PCGF6: variants seen among roughly 807,000 people sequenced by gnomAD.
PCGF6 encodes the protein polycomb group RING finger protein 6.
A neutral mutation model predicts 45.5 loss-of-function variants in PCGF6; 24 were observed. The ratio of observed to expected loss-of-function variants is 0.53; its 90% CI spans 0.38 to 0.74. The LOEUF is 0.74. Among genes scored for constraint, PCGF6 ranks in the 30% least tolerant of loss-of-function variants. The pLI is 0.00. For synonymous variants in PCGF6, 152 were observed against 162.1 expected (o/e 0.94, Z 0.47); for missense variants, 356 against 443.2 (o/e 0.80, Z 1.77).
At chr10:103,343,379 G>A (rs907793137) in intron 6 of PCGF6, among the ~76,000 whole-genome samples, 1 of 151,862 alleles carries the variant, frequency 6.6e-6, no homozygotes, top group African/African-American at 2.4e-5. Context: ...TACAACATGA[G>A]AAATCTAGAT....
At chr10:103,326,956 T>TG (rs2093221122) in intron 7 of PCGF6, among the ~76,000 whole-genome samples, 1 of 152,158 alleles carries the variant, frequency 6.6e-6, no homozygotes, top group African/African-American at 2.4e-5. Context: ...ACTTACACTT[T>TG]AAAGACACAG....
At chr10:103,309,331 CATGA>C (rs1425154539) in intron 9 of PCGF6, among the ~76,000 whole-genome samples, 23 of 152,134 alleles carry the variant, frequency 1.5e-4, no homozygotes, top group Admixed American at 1.5e-3. Flanking sequence ...TTGGATTTCT[CATGA>C]ATGGTTTAGC....
At chr10:103,320,327 A>G (rs1313809988) in intron 8 of PCGF6, among the ~76,000 whole-genome samples, 9 of 152,188 alleles carry the variant, frequency 5.9e-5, no homozygotes, top group Non-Finnish European at 5.9e-5. Flanking sequence ...TGGAGTCTCT[A>G]TGAGAAAGAA....
intron 1 of PCGF6, among the ~76,000 whole-genome samples, chr10:103,350,049 C>T (rs76197128): frequency 6.6e-6 from 1 of 151,750 alleles, no homozygotes; most frequent in African/African-American, 2.4e-5. Context: ...CGCCACTGCA[C>T]TCCAGCCTGG....
At chr10:103,305,459 C>T (rs529965357) in intron 9 of PCGF6, among the ~76,000 whole-genome samples, 8 of 152,050 alleles carry the variant, frequency 5.3e-5, no homozygotes, top group African/African-American at 1.7e-4. Context: ...TTAGTAGAGA[C>T]GGGGTTTCAC....
intron 6 of PCGF6, among the ~76,000 whole-genome samples, chr10:103,334,776 A>G (rs920700296): frequency 2.6e-4 from 39 of 152,310 alleles, no homozygotes; most frequent in African/African-American, 9.1e-4. Flanking sequence ...AGAAAGTACT[A>G]TGTGCCAGGC....
intron 5 of PCGF6, 96 bp downstream of exon 5, chr10:103,347,142 T>C: frequency 1.1e-6 from 1 of 927,838 alleles, no homozygotes; most frequent in Non-Finnish European, 1.7e-6. Context: ...TCTGATCATA[T>C]AATAAGCTAC....
intron 6 of PCGF6, 145 bp downstream of exon 6, chr10:103,344,878 CT>C: frequency 1.7e-6 from 1 of 599,136 alleles, no homozygotes; most frequent in Non-Finnish European, 2.8e-6. Flanking sequence ...CCCTTTATAC[CT>C]TTTTCTAATT....
intron 8 of PCGF6, among the ~76,000 whole-genome samples, chr10:103,324,328 G>GAAA (rs35051041): frequency 7.6e-6 from 1 of 131,662 alleles, no homozygotes; most frequent in Non-Finnish European, 1.5e-5. Context: ...TTTGACTAAT[G>GAAA]AAAAAAAAAA....
intron 8 of PCGF6, among the ~76,000 whole-genome samples, chr10:103,314,954 TAAAAAAAAAAAAA>T (rs60182387): frequency 3.5e-5 from 2 of 57,180 alleles, no homozygotes; most frequent in African/African-American, 8.1e-5. Flanking sequence ...GACTCTGTCA[TAAAAAAAAAAAAA>T]AAAAAAAAAA....
At chr10:103,314,925 A>C (rs2093169133) in intron 8 of PCGF6, among the ~76,000 whole-genome samples, 1 of 134,606 alleles carries the variant, frequency 7.4e-6, no homozygotes, top group African/African-American at 2.8e-5. Flanking sequence ...ATTGCATTCC[A>C]GCCTGGGCCA....
chr10:103,307,384 C>A (rs2093141513), intron 9 of PCGF6, among the ~76,000 whole-genome samples: 1 of 152,078 alleles, frequency 6.6e-6, no homozygotes, highest in Non-Finnish European at 1.5e-5. Flanking sequence ...CTACAGTGAA[C>A]CATATTCATG....
At chr10:103,350,680 G>A (rs768421648) in intron 1 of PCGF6, 27 bp downstream of exon 1, 1 of 1,451,964 alleles carries the variant, frequency 6.9e-7, no homozygotes. Flanking sequence ...CTTGGGCCCA[G>A]CGGGGTCGCG....
At chr10:103,335,468 T>C (rs1391405911) in intron 6 of PCGF6, among the ~76,000 whole-genome samples, 4 of 151,874 alleles carry the variant, frequency 2.6e-5, no homozygotes, top group African/African-American at 7.3e-5. Flanking sequence ...TTCAAGCGAT[T>C]CTCTTTGCCT....
At chr10:103,322,903 C>A (rs76636588) in intron 8 of PCGF6, among the ~76,000 whole-genome samples, 2,998 of 137,506 alleles carry the variant, frequency 0.022, 73 homozygotes, top group African/African-American at 0.068. Context: ...AAACAAAAAA[C>A]AAAAAAAAAA....
intron 9 of PCGF6, among the ~76,000 whole-genome samples, chr10:103,307,289 A>G (rs1029078539): frequency 6.6e-6 from 1 of 151,640 alleles, no homozygotes; most frequent in Admixed American, 6.6e-5. Context: ...ATGAAAAATA[A>G]AAAAATTAGC....
chr10:103,324,561 A>G (rs1216282965), intron 8 of PCGF6, among the ~76,000 whole-genome samples: 2 of 150,684 alleles, frequency 1.3e-5, no homozygotes, highest in Non-Finnish European at 3.0e-5. Flanking sequence ...GATGGAGGCC[A>G]GCCTGACCAA....
chr10:103,346,288 T>C (rs956131958), intron 5 of PCGF6, among the ~76,000 whole-genome samples: 11 of 150,630 alleles, frequency 7.3e-5, no homozygotes, highest in African/African-American at 2.7e-4. Flanking sequence ...GGTCAGGAGT[T>C]CAAGACCAGC....
At chr10:103,319,372 C>T (rs544015734) in intron 8 of PCGF6, among the ~76,000 whole-genome samples, 2 of 152,026 alleles carry the variant, frequency 1.3e-5, no homozygotes, top group South Asian at 2.1e-4. Context: ...AGGATGGTCT[C>T]GATCTCTTGA....
Sources: allele counts gnomAD v4.1 joint callset (sites outside exome capture counted in the v4.1 genomes callset), GRCh38; gene constraint gnomAD v4.1.1; transcripts MANE v1.5; gene names NCBI Gene and HGNC (gene_info 2026-07-23, HGNC 2026-07-21).